The following ZFR variants were observed in gnomAD, a reference collection of about 807,000 sequenced individuals.
The protein encoded by ZFR is zinc finger RNA-binding protein.
Under a neutral mutation model 130.7 loss-of-function variants are expected in ZFR, and 19 were observed. That is an observed-to-expected ratio of 0.15 (90% CI 0.10 to 0.21). The LOEUF (loss-of-function observed/expected upper bound fraction) is 0.21, where lower values mean the gene tolerates loss of function less well. Ranked by LOEUF, ZFR falls within the 10% of genes least tolerant of loss-of-function variation. The pLI, the probability that ZFR is intolerant of heterozygous loss-of-function variation, is 1.00. For synonymous variants in ZFR, 466 were observed against 456.9 expected (o/e 1.02, Z -0.25); for missense variants, 872 against 1,321.5 (o/e 0.66, Z 5.27).
intron 11 of ZFR, among the ~76,000 whole-genome samples, chr5:32,393,240 A>G (rs933505858): frequency 1.3e-5 from 2 of 152,244 alleles, no homozygotes; most frequent in Non-Finnish European, 2.9e-5. Flanking sequence ...TTGATTAAAT[A>G]TATCGTGTAA....
intron 17 of ZFR, among the ~76,000 whole-genome samples, chr5:32,365,565 C>CTT (rs1324802065): frequency 6.6e-6 from 1 of 151,770 alleles, no homozygotes; most frequent in African/African-American, 2.4e-5. Context: ...GTTCAAGATT[C>CTT]TTTTTTATTT....
intron 17 of ZFR, among the ~76,000 whole-genome samples, chr5:32,365,634 C>A (rs537055467): frequency 6.6e-6 from 1 of 150,996 alleles, no homozygotes; most frequent in South Asian, 2.1e-4. Context: ...CCATGGCTCA[C>A]TGCAGCCTCA....
chr5:32,371,742 G>A (rs184217469), intron 17 of ZFR, among the ~76,000 whole-genome samples: 120 of 151,760 alleles, frequency 7.9e-4, no homozygotes, highest in African/African-American at 2.8e-3. Context: ...CAGGAAATCA[G>A]GAAAGAGCAG....
chr5:32,362,292 C>G (rs1752450634), intron 19 of ZFR, among the ~76,000 whole-genome samples: 1 of 151,996 alleles, frequency 6.6e-6, no homozygotes, highest in African/African-American at 2.4e-5. Context: ...TAATAAATGA[C>G]AAAGGCTGTA....
At chr5:32,356,310 T>G (rs1752305810) in intron 19 of ZFR, among the ~76,000 whole-genome samples, 1 of 152,234 alleles carries the variant, frequency 6.6e-6, no homozygotes, top group African/African-American at 2.4e-5. Flanking sequence ...AGGCATTTGG[T>G]AGACAGTATG....
intron 2 of ZFR, among the ~76,000 whole-genome samples, chr5:32,439,115 G>A (rs142715351): frequency 6.6e-6 from 1 of 152,312 alleles, no homozygotes; most frequent in East Asian, 1.9e-4. Flanking sequence ...TATCATCAGT[G>A]TAATAGCAAC....
chr5:32,381,171 G>A (rs1245608952), intron 15 of ZFR, among the ~76,000 whole-genome samples: 1 of 152,116 alleles, frequency 6.6e-6, no homozygotes, highest in Non-Finnish European at 1.5e-5. Context: ...GATGTGTAGG[G>A]TCTTTAAGCT....
chr5:32,368,394 C>T (rs1417479077), intron 17 of ZFR, among the ~76,000 whole-genome samples: 3 of 152,206 alleles, frequency 2.0e-5, no homozygotes, highest in Non-Finnish European at 4.4e-5. Context: ...AGCCACCACG[C>T]CCAGCTAATT....
intron 16 of ZFR, chr5:32,379,446 G>T: frequency 2.1e-6 from 1 of 481,144 alleles, no homozygotes. Flanking sequence ...AATATTTCTT[G>T]ATCCCCTGTG....
At chr5:32,370,398 G>T (rs1047817868) in intron 17 of ZFR, among the ~76,000 whole-genome samples, 1 of 150,810 alleles carries the variant, frequency 6.6e-6, no homozygotes, top group Non-Finnish European at 1.5e-5. Flanking sequence ...AGACAGACAT[G>T]GTCTTGCCCT....
chr5:32,440,688 A>C (rs1272838532), intron 2 of ZFR, among the ~76,000 whole-genome samples: 1 of 152,092 alleles, frequency 6.6e-6, no homozygotes, highest in Non-Finnish European at 1.5e-5. Context: ...CAGGAAAAAA[A>C]AAATTCCATA....
chr5:32,407,164 G>GA, intron 5 of ZFR, 143 bp from the exon 6 acceptor site: 1 of 733,190 alleles, frequency 1.4e-6, no homozygotes, highest in Non-Finnish European at 2.0e-6. Context: ...CACAGAACCA[G>GA]AAAAAAGCTT....
chr5:32,368,838 T>G (rs1244060580), intron 17 of ZFR, among the ~76,000 whole-genome samples: 1 of 152,234 alleles, frequency 6.6e-6, no homozygotes, highest in African/African-American at 2.4e-5. Context: ...TGACTATCAT[T>G]CCCATTTTAC....
intron 15 of ZFR, among the ~76,000 whole-genome samples, chr5:32,384,278 C>T (rs1410094767): frequency 2.0e-5 from 3 of 152,168 alleles, no homozygotes; most frequent in Non-Finnish European, 4.4e-5. Flanking sequence ...CAGCAACACC[C>T]ATGGCCAGAC....
chr5:32,403,221 C>A lies in ZFR; in HGVS notation c.1401G>T (p.Lys467Asn). Residue 467 changes from lysine (K) to asparagine (N), a missense_variant, in exon 8 of 20, where the codon AAG (lysine) becomes AAT (asparagine). This residue lies in a region of ZFR where 143 missense variants were observed against 137.9 expected (regional missense o/e 1.04). Coordinates refer to ENST00000265069, the MANE Select transcript of ZFR (RefSeq NM_016107.5). ...ACGAGTTTCCTGTAGTCGTAAGACC[C>A]TTCATTGAAGACGTTGCAACTGATG... Reference protein sequence around the residue: ...NTSSVATSSMKGLTTTGNSSL... With the variant: ...NTSSVATSSMNGLTTTGNSSL... 1 of 1,614,208 alleles carries A rather than the reference C, an allele frequency of 6.2e-7. No individual in the cohort carries two copies. The highest frequency in any genetic ancestry group is 8.5e-7 in the Non-Finnish European group (1 of 1,180,030).
At chr5:32,399,965 C>T (rs1202289177) in intron 9 of ZFR, 42 bp downstream of exon 9, 2 of 1,530,320 alleles carry the variant, frequency 1.3e-6, no homozygotes, top group African/African-American at 1.4e-5. Context: ...CACTTCTTCC[C>T]TTTATCCAAT....
At chr5:32,423,382 AC>A in intron 2 of ZFR, among the ~76,000 whole-genome samples, 1 of 152,076 alleles carries the variant, frequency 6.6e-6, no homozygotes, top group South Asian at 2.1e-4. Flanking sequence ...AACAGACAAC[AC>A]AAATCACCAC....
intron 2 of ZFR, among the ~76,000 whole-genome samples, chr5:32,441,863 C>G (rs1290383682): frequency 1.3e-5 from 2 of 151,972 alleles, no homozygotes; most frequent in African/African-American, 4.8e-5. Flanking sequence ...TAAGTAATGT[C>G]AAAAGACTAG....
At chr5:32,422,060 C>A (rs1032363071) in intron 2 of ZFR, among the ~76,000 whole-genome samples, 4 of 151,880 alleles carry the variant, frequency 2.6e-5, no homozygotes, top group African/African-American at 9.7e-5. Flanking sequence ...ACTAAACCAC[C>A]TAAGAGTAAT....
Sources: gnomAD v4.1 joint callset for allele counts (sites outside exome capture counted in the v4.1 genomes callset) on GRCh38, gnomAD v4.1.1 for gene constraint, gnomAD v4.1.1 regional missense constraint, MANE v1.5 for transcripts, NCBI Gene and HGNC (gene_info 2026-07-23, HGNC 2026-07-21) for gene names.